Variants in NARF observed in about 807,000 individuals in gnomAD.
NARF encodes nuclear prelamin A recognition factor.
Under a neutral mutation model 48.0 loss-of-function variants are expected in NARF, and 41 were observed. The observed-to-expected ratio is 0.85, with a 90% CI of 0.66 to 1.11. The LOEUF (loss-of-function observed/expected upper bound fraction) is 1.11, where lower values mean the gene tolerates loss of function less well. NARF is among the 50% of genes least tolerant of loss of function. The pLI is 0.00. For missense variants in NARF, 613 were observed against 590.2 expected, an observed-to-expected ratio of 1.04 and a Z score of -0.40; for synonymous variants, 215 against 225.5, an observed-to-expected ratio of 0.95 and a Z score of 0.42.
chr17:82,467,958 G>A (rs988050080), intron 3 of NARF, among the ~76,000 whole-genome samples: 24 of 152,154 alleles, frequency 1.6e-4, no homozygotes, highest in South Asian at 6.2e-4. Context: ...CACATTTACT[G>A]ATATAACATT....
chr17:82,482,032 G>A (rs893648487), intron 7 of NARF: 5 of 290,446 alleles, frequency 1.7e-5, no homozygotes, highest in Non-Finnish European at 3.4e-5. Flanking sequence ...GTGGATGGAA[G>A]TGATTCCCTG....
chr17:82,478,446 G>A (rs1165724886), intron 5 of NARF: 2 of 385,258 alleles, frequency 5.2e-6, no homozygotes, highest in Admixed American at 3.0e-5. Flanking sequence ...GGACGCTGTA[G>A]CTGGCCAGGC....
At position 82,459,102 on chromosome 17, in the gene NARF, C is replaced by G. The variant is rs111914898; in HGVS notation, c.27+272C>G. 9.3e-6 allele frequency: 11 copies of G among 1,187,044 alleles called. No individual in the cohort carries two copies. In the African/African-American group the frequency reaches 1.6e-4, roughly 17 times the overall value. 73.5% of individuals were successfully genotyped at this position (1,187,044 alleles called of 1,614,324 possible). On this transcript the variant is annotated intron_variant, in intron 1 of 10. Coordinates refer to ENST00000309794, the MANE Select transcript of NARF (RefSeq NM_012336.4). Reference sequence around the variant, plus strand: ...GGAAACGCACGGAGACCGAGCCTCTCGTGCCGCGCACCACAGTCCGAGTAA... The same window carrying G: ...GGAAACGCACGGAGACCGAGCCTCTGGTGCCGCGCACCACAGTCCGAGTAA...
intron 10 of NARF, among the ~76,000 whole-genome samples, chr17:82,486,300 C>T (rs1196995156): frequency 2.0e-5 from 3 of 152,166 alleles, no homozygotes; most frequent in African/African-American, 7.2e-5. Context: ...TCCATCTGCG[C>T]CCCTGGTGGG....
At chr17:82,458,529 G>T, upstream of NARF, 1 of 400,178 alleles carries the variant, frequency 2.5e-6, no homozygotes, top group Non-Finnish European at 4.4e-6. Context: ...TGAGCCTGCG[G>T]TCCGCCCCGC....
At chr17:82,483,678 C>T (rs1418873464) in intron 7 of NARF, 38 bp from the exon 8 acceptor site, 4 of 1,605,394 alleles carry the variant, frequency 2.5e-6, no homozygotes, top group Non-Finnish European at 3.4e-6. Flanking sequence ...CCTGTGGCCA[C>T]CTGTGTCTTT....
intron 3 of NARF, 155 bp from the exon 4 acceptor site, chr17:82,468,609 T>A (rs112445257): frequency 1.6e-5 from 11 of 708,302 alleles, no homozygotes; most frequent in Middle Eastern, 2.8e-4. Flanking sequence ...ATTTTTTTTC[T>A]CCTTTTTCTT....
chr17:82,488,751 G>A lies in NARF; in HGVS notation c.*594G>A, dbSNP rs1373148188. ...TAAGATTGTGAAAAAGTCCCAAAGA[G>A]TGGGAATGGAGACAGACTACTGTAT... On this transcript the variant is annotated 3_prime_UTR_variant, in exon 11 of 11. Transcript: ENST00000309794. 1.3e-5 allele frequency: 2 copies of A among 153,850 alleles called. No homozygotes were observed. The highest frequency in any genetic ancestry group is 3.8e-4 in the East Asian group (2 of 5,216). The allele number at this position is 153,850 out of a possible 1,614,324, so 9.5% of individuals were successfully genotyped here.
chr17:82,474,216 A>G (rs2043782065), intron 5 of NARF, among the ~76,000 whole-genome samples: 1 of 152,134 alleles, frequency 6.6e-6, no homozygotes, highest in South Asian at 2.1e-4. Flanking sequence ...AGTACAACAT[A>G]TCTCAGATGT....
chr17:82,485,954 C>G (rs1200180080), intron 10 of NARF, among the ~76,000 whole-genome samples: 2 of 152,244 alleles, frequency 1.3e-5, no homozygotes, highest in African/African-American at 4.8e-5. Context: ...GAACAAATCA[C>G]AAGAGTTGAG....
In NARF at chr17:82,488,491, C is replaced by T; in HGVS notation, c.*334C>T. The T allele has an allele frequency of 4.1e-6, 1 of 242,902 alleles. No individual in the cohort carries two copies. The highest frequency in any genetic ancestry group is 5.7e-5 in the South Asian group (1 of 17,564). 15.0% of individuals were successfully genotyped at this position (242,902 alleles called of 1,614,324 possible). ...CCCGGGTTCAAGCGATTCTCTTGCC[C>T]CAGCCTCCCGAGTAGCTGGGACTAA... On this transcript the variant is annotated 3_prime_UTR_variant, in exon 11 of 11. Transcript: ENST00000309794.
chr17:82,481,810 C>T (rs1175107719), intron 7 of NARF: 7 of 420,258 alleles, frequency 1.7e-5, no homozygotes, highest in Non-Finnish European at 3.2e-5. Flanking sequence ...CATTACAGTC[C>T]ATGTAAGGTA....
Position 82,470,756 on chromosome 17 carries a change from A to T in NARF, c.386-1808A>T, listed in dbSNP as rs148522109. Among the ~76,000 whole-genome samples, 11 of 152,272 alleles carry T rather than the reference A, an allele frequency of 7.2e-5. No homozygotes were observed. In the East Asian group the frequency reaches 2.1e-3, roughly 29 times the overall value. On this transcript the variant is annotated intron_variant, in intron 4 of 10. Coordinates refer to ENST00000309794, the MANE Select transcript of NARF (RefSeq NM_012336.4). ...TGATCTAACCGCCTTGGACTCCCAA[A>T]GTACTGGGATTCCAGGGGTGAGCCA...
intron 7 of NARF, chr17:82,482,826 C>T (rs978422527): frequency 6.6e-6 from 1 of 151,772 alleles, no homozygotes; most frequent in Admixed American, 6.6e-5. Context: ...GACGGAGTCT[C>T]ACTCTGTCAC....
intron 5 of NARF, among the ~76,000 whole-genome samples, chr17:82,476,322 A>T (rs1250827805): frequency 2.6e-5 from 4 of 151,486 alleles, no homozygotes; most frequent in Non-Finnish European, 4.4e-5. Context: ...TTGTATTTTT[A>T]GTAGAGACGG....
At chr17:82,459,305 G>A (rs2043370974) in intron 1 of NARF, 1 of 497,540 alleles carries the variant, frequency 2.0e-6, no homozygotes, top group Non-Finnish European at 2.6e-6. Context: ...GCGCACGCAG[G>A]GGGGTTTTGT....
In NARF at chr17:82,484,846, T is replaced by C. The variant is rs3829567; in HGVS notation, c.867T>C (p.Arg289=). The C allele has an allele frequency of 0.07, 112,561 of 1,609,630 alleles. 7,538 individuals carry two copies. Among genetic ancestry groups the C allele is most frequent in the African/African-American group, 0.35 (26,395 of 74,594 alleles). Reference sequence around the variant, plus strand: ...ACTTGAAGGAGGACAAAGTGACGCGTCATGATGGAGCCAGCTCAGACGGGC... The same window carrying C: ...ACTTGAAGGAGGACAAAGTGACGCGCCATGATGGAGCCAGCTCAGACGGGC... ...FGDLKEDKVT[R]HDGASSDGHL... Residue 289 remains arginine, a synonymous_variant, in exon 9 of 11, where the codon CGT becomes CGC. Coordinates refer to ENST00000309794, the MANE Select transcript of NARF (RefSeq NM_012336.4).
At chr17:82,458,573 C>T (rs1352429553), upstream of NARF, 9 of 503,784 alleles carry the variant, frequency 1.8e-5, no homozygotes, top group East Asian at 7.1e-5. Context: ...TGGCCCGCCC[C>T]TTCCCGACAC....
intron 4 of NARF, among the ~76,000 whole-genome samples, chr17:82,469,977 A>G (rs2043659862): frequency 6.6e-6 from 1 of 151,710 alleles, no homozygotes; most frequent in South Asian, 2.1e-4. Flanking sequence ...CATGCCTGTA[A>G]TCCCAGCACT....
Sources: gnomAD v4.1 joint callset for allele counts (sites outside exome capture counted in the v4.1 genomes callset) on GRCh38, gnomAD v4.1.1 for gene constraint, MANE v1.5 for transcripts, NCBI Gene and HGNC (gene_info 2026-07-23, HGNC 2026-07-21) for gene names.